Variants in PDZK1 observed in about 807,000 individuals in gnomAD.
The protein encoded by PDZK1 is Na(+)/H(+) exchange regulatory cofactor NHE-RF3.
A neutral mutation model predicts 38.1 loss-of-function variants in PDZK1; 23 were observed. That is an observed-to-expected ratio of 0.60 (90% CI 0.43 to 0.85). The LOEUF (loss-of-function observed/expected upper bound fraction) is 0.85. Among genes scored for constraint, PDZK1 ranks in the 40% least tolerant of loss-of-function variants. PDZK1 has a pLI of 0.00. For missense variants in PDZK1, 297 were observed against 504.3 expected (o/e 0.59, Z 3.94); for synonymous variants, 98 against 186.2 (o/e 0.53, Z 3.86).
intron 1 of PDZK1, among the ~76,000 whole-genome samples, chr1:145,701,215 C>A (rs929299800): frequency 2.0e-5 from 3 of 150,732 alleles, no homozygotes; most frequent in African/African-American, 4.9e-5. Context: ...AAAAAAAAAA[C>A]AAACACTTAG....
intron 3 of PDZK1, among the ~76,000 whole-genome samples, chr1:145,684,323 C>T (rs587624401): frequency 6.6e-6 from 1 of 151,910 alleles, no homozygotes; most frequent in East Asian, 1.9e-4. Flanking sequence ...ATTCTCCTGC[C>T]TCAGCCTCCT....
chr1:145,678,704 CAG>C lies in PDZK1; in HGVS notation c.794-61_794-60del, dbSNP rs1441559777. The C allele has an allele frequency of 2.0e-5, 10 of 501,950 alleles. No homozygotes were observed. The African/African-American group carries it at 2.0e-4, about 10-fold the overall frequency. The allele number at this position is 501,950 out of a possible 1,614,324, so 31.1% of individuals were successfully genotyped here. A position where few individuals can be genotyped will look rare whatever the true frequency, so the allele number is the denominator to read the frequency against. On this transcript the variant is annotated intron_variant, in intron 5 of 8. Transcript: ENST00000417171. The stretch of plus-strand genomic sequence containing the variant: ...CAGTAAGTCCCCTAAAAAAATAAAA[CAG>C]ATTTTCTGCTGGAGCCCAAAGCCCT...
chr1:145,684,541 G>T (rs587617244), intron 3 of PDZK1, among the ~76,000 whole-genome samples: 1 of 152,094 alleles, frequency 6.6e-6, no homozygotes, highest in African/African-American at 2.4e-5. Context: ...CATAACATTT[G>T]TACATATTTA....
At chr1:145,674,829 C>T (rs1313168660) in intron 6 of PDZK1, among the ~76,000 whole-genome samples, 1 of 152,086 alleles carries the variant, frequency 6.6e-6, no homozygotes, top group Non-Finnish European at 1.5e-5. Flanking sequence ...GTATCTATAT[C>T]CTACTAGATC....
intron 1 of PDZK1, among the ~76,000 whole-genome samples, chr1:145,698,720 G>C (rs587626308): frequency 6.6e-6 from 1 of 152,202 alleles, no homozygotes; most frequent in South Asian, 2.1e-4. Context: ...CTTGAGGTCA[G>C]GAGTTCGAGA....
intron 1 of PDZK1, among the ~76,000 whole-genome samples, chr1:145,692,516 G>A (rs932018582): frequency 4.6e-5 from 7 of 151,668 alleles, no homozygotes; most frequent in Admixed American, 1.3e-4. Flanking sequence ...TTAGAGACCA[G>A]CCTGGCAAAC....
intron 1 of PDZK1, among the ~76,000 whole-genome samples, chr1:145,691,169 C>T (rs1050802836): frequency 2.6e-5 from 4 of 152,174 alleles, no homozygotes; most frequent in South Asian, 2.1e-4. Context: ...AAATATTTAA[C>T]GCCCCCAGCT....
At chr1:145,694,838 AG>A (rs1392654030) in intron 1 of PDZK1, among the ~76,000 whole-genome samples, 1 of 137,610 alleles carries the variant, frequency 7.3e-6, no homozygotes, top group Non-Finnish European at 1.5e-5. Context: ...TGGAGGTTAC[AG>A]TGTGCTGAGA....
At position 145,685,968 on chromosome 1, in the gene PDZK1, T is replaced by C. The variant is rs587739338; in HGVS notation, c.460+509A>G. Among the ~76,000 whole-genome samples, 19 of 152,292 alleles carry C rather than the reference T, an allele frequency of 1.2e-4. No homozygotes were observed. In the South Asian group the frequency reaches 3.3e-3, roughly 27 times the overall value. ...TACAGGAGGGTGGAAATTTTTGCGG[T>C]ATTCTCAGCAAAGGTAACAGTGCCT... On this transcript the variant is annotated intron_variant, in intron 3 of 8. Transcript: ENST00000417171.
intron 6 of PDZK1, among the ~76,000 whole-genome samples, chr1:145,675,031 G>A (rs1321985956): frequency 6.6e-6 from 1 of 151,924 alleles, no homozygotes; most frequent in Non-Finnish European, 1.5e-5. Flanking sequence ...TCCAGACCTG[G>A]GATCTGTGCT....
chr1:145,700,736 A>G (rs1418482005), intron 1 of PDZK1, among the ~76,000 whole-genome samples: 1 of 152,218 alleles, frequency 6.6e-6, no homozygotes, highest in Non-Finnish European at 1.5e-5. Context: ...GGGACTTAGA[A>G]GTGGCAGGAT....
At chr1:145,707,258 A>G (rs1559082980) in intron 1 of PDZK1, 59 bp downstream of exon 1, 1 of 152,568 alleles carries the variant, frequency 6.6e-6, no homozygotes, top group Admixed American at 6.5e-5. Flanking sequence ...AGGAAAAGAA[A>G]GAAGGTAGTT....
intron 1 of PDZK1, among the ~76,000 whole-genome samples, chr1:145,694,578 T>G (rs1380720479): frequency 6.6e-6 from 1 of 152,076 alleles, no homozygotes; most frequent in Non-Finnish European, 1.5e-5. Flanking sequence ...CCTTTATAGT[T>G]GAATAAAGTT....
chr1:145,703,911 C>A (rs144853573), intron 1 of PDZK1, among the ~76,000 whole-genome samples: 5 of 152,088 alleles, frequency 3.3e-5, no homozygotes, highest in Non-Finnish European at 5.9e-5. Flanking sequence ...TCACTGCAAC[C>A]TCTGCCACTT....
chr1:145,673,764 C>T lies in PDZK1; in HGVS notation c.1108G>A (p.Glu370Lys). The change falls in exon 7 of 9, where the codon GAG becomes AAG. Residue 370 changes from glutamate to lysine, a missense_variant. This residue lies in a region of PDZK1 where 49 missense variants were observed against 135.6 expected (regional missense o/e 0.36). Transcript: ENST00000417171. ...AGTTTAGGCTTATGATCTACTTCCT[C>T]TGTAGTATCTGGTGGACTTGAGACT... is the stretch of plus-strand genomic sequence containing the variant. ...LEVSSPPDTT[E>K]EVDHKPKLCR... 1 of 1,611,878 alleles carries T rather than the reference C, an allele frequency of 6.2e-7. No individual in the cohort carries two copies. Among genetic ancestry groups the T allele is most frequent in the Non-Finnish European group, 8.5e-7 (1 of 1,179,818 alleles).
At chr1:145,699,924 A>G (rs1553704751) in intron 1 of PDZK1, among the ~76,000 whole-genome samples, 1 of 152,198 alleles carries the variant, frequency 6.6e-6, no homozygotes, top group Non-Finnish European at 1.5e-5. Context: ...TGCCGTGAAG[A>G]TGGCTCACAG....
chr1:145,675,915 G>C (rs1362937941), intron 6 of PDZK1, among the ~76,000 whole-genome samples: 2 of 152,016 alleles, frequency 1.3e-5, no homozygotes, highest in Non-Finnish European at 2.9e-5. Context: ...CTACTTGAGA[G>C]ACTGAGGCAG....
intron 1 of PDZK1, among the ~76,000 whole-genome samples, chr1:145,694,350 CA>C (rs1324188495): frequency 1.3e-5 from 2 of 152,186 alleles, no homozygotes; most frequent in Admixed American, 6.5e-5. Flanking sequence ...TTCCCTTTCC[CA>C]AACAATTAGT....
At chr1:145,700,930 C>T (rs1470049740) in intron 1 of PDZK1, among the ~76,000 whole-genome samples, 2 of 152,108 alleles carry the variant, frequency 1.3e-5, no homozygotes, top group African/African-American at 2.4e-5. Flanking sequence ...AGGGGCTGGG[C>T]GCGGGGGCTC....
Sources: gnomAD v4.1 joint callset for allele counts (sites outside exome capture counted in the v4.1 genomes callset) on GRCh38, gnomAD v4.1.1 for gene constraint, gnomAD v4.1.1 regional missense constraint, MANE v1.5 for transcripts, NCBI Gene and HGNC (gene_info 2026-07-23, HGNC 2026-07-21) for gene names.